PHACTR2: variants seen among roughly 807,000 people sequenced by gnomAD.
PHACTR2 encodes the protein phosphatase and actin regulator 2, also known as chromosome 6 open reading frame 56.
PHACTR2 carries 30 observed loss-of-function variants against 76.0 expected under a neutral mutation model. That is an observed-to-expected ratio of 0.39 (90% CI 0.30 to 0.54). The LOEUF is 0.54. Among genes scored for constraint, PHACTR2 ranks in the 20% least tolerant of loss-of-function variants. The pLI is 0.61. For synonymous variants in PHACTR2, 292 were observed against 292.5 expected (o/e 1.00, Z 0.02); for missense variants, 696 against 781.1 (o/e 0.89, Z 1.30).
rs552431539 is a variant in PHACTR2 at position 143,799,908 on chromosome 6, A to G, written c.1846-7149A>G. Reference sequence around the variant, plus strand: ...GATGTCTATTAGGTCCACTTGGTCCAGAGCTGAGTTCAAGTCCTGGATATC... The same window carrying G: ...GATGTCTATTAGGTCCACTTGGTCCGGAGCTGAGTTCAAGTCCTGGATATC... On this transcript the variant is annotated intron_variant, in intron 11 of 12. Transcript: ENST00000440869. Among the ~76,000 whole-genome samples, 7 of 152,346 alleles carry G rather than the reference A, an allele frequency of 4.6e-5. No homozygotes were observed. The East Asian group carries it at 1.2e-3, about 25-fold the overall frequency.
chr6:143,668,313 A>T (rs1344972936), intron 1 of PHACTR2, among the ~76,000 whole-genome samples: 1 of 152,218 alleles, frequency 6.6e-6, no homozygotes, highest in Non-Finnish European at 1.5e-5. Context: ...TATGTTCATC[A>T]GGTCTATTGG....
rs1209094717 is a variant in PHACTR2 at position 143,585,556 on chromosome 6, G to A, written c.217+48349G>A. Among the ~76,000 whole-genome samples, 2 of 152,158 alleles carry A rather than the reference G, an allele frequency of 1.3e-5. No homozygotes were observed. Among genetic ancestry groups the A allele is most frequent in the Non-Finnish European group, 2.9e-5 (2 of 68,032 alleles). ...AAGCAGGAGGCCATACTGTGGCCCT[G>A]TAGCTCAGGGAACATACTGGAGTCT... On this transcript the variant is annotated intron_variant, in intron 1 of 11. Transcript: ENST00000367584. This position sits in a 1 kb window ranked among gnomAD's most constrained non-coding sequence, Gnocchi z 5.2.
At position 143,807,110 on chromosome 6, in the gene PHACTR2, T is replaced by C. The variant is rs1162705420; in HGVS notation, c.1899T>C (p.His633=). The C allele has an allele frequency of 1.9e-6, 3 of 1,607,272 alleles. No homozygotes were observed. The highest frequency in any genetic ancestry group is 2.7e-5 in the African/African-American group (2 of 74,712). ...TTAAAAGCACAGAAATGGAAGTTCA[T>C]GAAGAGAGTCGACAGTTTACAAGGT... ...NEFKSTEMEV[H]EESRQFTRFH... is the part of the protein sequence containing the mutation. Residue 633 remains histidine (H), a synonymous_variant, in exon 12 of 13, where the codon CAT becomes CAC. Coordinates refer to ENST00000440869, the MANE Select transcript of PHACTR2 (RefSeq NM_001100164.2). The surrounding 1 kb of genome is among the most constrained non-coding windows in gnomAD (Gnocchi z 5.5).
chr6:143,576,833 A>G (rs1775520840), intron 1 of PHACTR2, among the ~76,000 whole-genome samples: 1 of 142,428 alleles, frequency 7.0e-6, no homozygotes, highest in African/African-American at 2.6e-5. Flanking sequence ...CCGAACTCGT[A>G]CCACTACACT....
Position 143,756,568 on chromosome 6 carries a change from G to A in PHACTR2, c.454+2656G>A, listed in dbSNP as rs539001390. 6.5e-5 allele frequency among the ~76,000 whole-genome samples: 9 copies of A among 139,088 alleles called. No individual in the cohort carries two copies. In the East Asian group the frequency reaches 1.5e-3, roughly 24 times the overall value. 91.2% of individuals were successfully genotyped at this position (139,088 alleles called of 152,430 possible). On this transcript the variant is annotated intron_variant, in intron 4 of 12. Transcript: ENST00000440869. ...AAAAAAATTAGCCGGGCGTGGTGGCGGGCGCCTGTAGTCCCAGCTACTCGG... is the reference window on the plus strand; with the variant it reads ...AAAAAAATTAGCCGGGCGTGGTGGCAGGCGCCTGTAGTCCCAGCTACTCGG...
intron 11 of PHACTR2, among the ~76,000 whole-genome samples, chr6:143,797,047 T>A (rs907690693): frequency 6.6e-6 from 1 of 152,236 alleles, no homozygotes; most frequent in African/African-American, 2.4e-5. Flanking sequence ...GCATTCCTAT[T>A]TCTCCACATC....
chr6:143,678,927 C>T lies in PHACTR2; in HGVS notation c.46+718C>T, dbSNP rs1777320983. Among the ~76,000 whole-genome samples the T allele has an allele frequency of 6.7e-6, 1 of 148,432 alleles. No individual in the cohort carries two copies. Among genetic ancestry groups the T allele is most frequent in the Non-Finnish European group, 1.5e-5 (1 of 67,722 alleles). On this transcript the variant is annotated intron_variant, in intron 1 of 12. Transcript: ENST00000440869. This position sits in a 1 kb window ranked among gnomAD's most constrained non-coding sequence, Gnocchi z 6.2. ...AAGGAAGGTACGTCTGGCATTTCCC[C>T]GACAGTGTAGGGATAAAAAAAAAAA...
At position 143,794,750 on chromosome 6, in the gene PHACTR2, T is replaced by C. The variant is rs1280528737; in HGVS notation, c.1845+5840T>C. 6.6e-6 allele frequency among the ~76,000 whole-genome samples: 1 copy of C among 152,176 alleles called. No homozygotes were observed. The highest frequency in any genetic ancestry group is 1.5e-5 in the Non-Finnish European group (1 of 68,014). On this transcript the variant is annotated intron_variant, in intron 11 of 12. Coordinates refer to ENST00000440869, the MANE Select transcript of PHACTR2 (RefSeq NM_001100164.2). This position sits in a 1 kb window ranked among gnomAD's most constrained non-coding sequence, Gnocchi z 4.1. The stretch of plus-strand genomic sequence containing the variant: ...CAGAAGTTGCAGTGAGCTAAGATTA[T>C]GCCGCCGCACTCCAGCCTGGGTGAC...
rs1289090997 is a variant in PHACTR2 at position 143,597,459 on chromosome 6, CT to C, written c.217+60253del. ...CCATCCTAAAAATAAAGTGAAATCCCTACTCTCTACAACCCACATGCCAAAT... is the reference window on the plus strand; with the variant it reads ...CCATCCTAAAAATAAAGTGAAATCCCACTCTCTACAACCCACATGCCAAAT... On this transcript the variant is annotated intron_variant, in intron 1 of 11. Coordinates refer to the PHACTR2 transcript ENST00000367584. This position sits in a 1 kb window ranked among gnomAD's most constrained non-coding sequence, Gnocchi z 5.7. Among the ~76,000 whole-genome samples, 4 of 152,178 alleles carry C rather than the reference CT, an allele frequency of 2.6e-5. No individual in the cohort carries two copies. Among genetic ancestry groups the C allele is most frequent in the African/African-American group, 9.7e-5 (4 of 41,442 alleles).
rs1413523091 is a variant in PHACTR2, at chr6:143,580,091, C to T, written c.217+42884C>T. Among the ~76,000 whole-genome samples the T allele has an allele frequency of 1.3e-5, 2 of 152,192 alleles. No individual in the cohort carries two copies. Among genetic ancestry groups the T allele is most frequent in the African/African-American group, 2.4e-5 (1 of 41,440 alleles). ...TCACAACATGACCACTGTCTTCTCT[C>T]AGCATGAGCCAGAAAGAAAATCAAG... On this transcript the variant is annotated intron_variant, in intron 1 of 11. Transcript: ENST00000367584. This position sits in a 1 kb window ranked among gnomAD's most constrained non-coding sequence, Gnocchi z 4.2.
chr6:143,612,539 T>C (rs1291064691), intron 1 of PHACTR2, among the ~76,000 whole-genome samples: 5 of 152,250 alleles, frequency 3.3e-5, no homozygotes, highest in Admixed American at 6.5e-5. Context: ...TCCACTTTCA[T>C]GATCTCTTGG....
At chr6:143,785,393 G>A (rs1219382852) in intron 10 of PHACTR2, among the ~76,000 whole-genome samples, 1 of 152,190 alleles carries the variant, frequency 6.6e-6, no homozygotes, top group Non-Finnish European at 1.5e-5. Flanking sequence ...ATGGTCTTGG[G>A]CAGCTCCACC....
At chr6:143,699,334 C>T (rs534824323) in intron 1 of PHACTR2, among the ~76,000 whole-genome samples, 24 of 152,306 alleles carry the variant, frequency 1.6e-4, no homozygotes, top group Middle Eastern at 3.4e-3. Flanking sequence ...AGCCCATGAA[C>T]CTGCTTGAGT....
rs1014725029 is a variant in PHACTR2 at position 143,556,365 on chromosome 6, G to A, written c.217+19158G>A. 6.6e-6 allele frequency among the ~76,000 whole-genome samples: 1 copy of A among 152,214 alleles called. No individual in the cohort carries two copies. The highest frequency in any genetic ancestry group is 2.4e-5 in the African/African-American group (1 of 41,440). ...TGGGCCAGGAGAGTGAATATCTGGT[G>A]GAGGGAGGTGAGGAATACAGGAAGT... On this transcript the variant is annotated intron_variant, in intron 1 of 11. Transcript: ENST00000367584. This position sits in a 1 kb window ranked among gnomAD's most constrained non-coding sequence, Gnocchi z 4.3.
At chr6:143,590,010 C>G (rs746524754) in intron 1 of PHACTR2, among the ~76,000 whole-genome samples, 1 of 152,090 alleles carries the variant, frequency 6.6e-6, no homozygotes, top group Admixed American at 6.5e-5. Context: ...GAATTTATTA[C>G]AGAATATTAT....
At chr6:143,723,332 C>T (rs757576208) in intron 2 of PHACTR2, among the ~76,000 whole-genome samples, 7 of 152,140 alleles carry the variant, frequency 4.6e-5, no homozygotes, top group Non-Finnish European at 1.0e-4. Context: ...CTGAGGAAGA[C>T]AATTATTCTT....
In PHACTR2 at chr6:143,794,834, G is replaced by A. The variant is rs557986618; in HGVS notation, c.1845+5924G>A. Among the ~76,000 whole-genome samples the A allele has an allele frequency of 6.6e-6, 1 of 152,154 alleles. No individual in the cohort carries two copies. The highest frequency in any genetic ancestry group is 1.5e-5 in the Non-Finnish European group (1 of 67,986). On this transcript the variant is annotated intron_variant, in intron 11 of 12. Transcript: ENST00000440869. This position sits in a 1 kb window ranked among gnomAD's most constrained non-coding sequence, Gnocchi z 4.1. Reference sequence around the variant, plus strand: ...CCAAACAAACAAACAAACAAAAAATGAGCTTCCTTTCAGCCTAAAGGAGAC... The same window carrying A: ...CCAAACAAACAAACAAACAAAAAATAAGCTTCCTTTCAGCCTAAAGGAGAC...
Position 143,821,493 on chromosome 6 carries a change from G to T in PHACTR2, c.1923-2181G>T, listed in dbSNP as rs2328520. Among the ~76,000 whole-genome samples the T allele has an allele frequency of 4.6e-5, 7 of 152,278 alleles. No individual in the cohort carries two copies. The East Asian group carries it at 1.3e-3, about 29-fold the overall frequency. ...TGAGTATGTAAAAATGGATAAGAAA[G>T]TTTCCTTCCTCAGCTTCTCATGATC... On this transcript the variant is annotated intron_variant, in intron 12 of 12. Coordinates refer to ENST00000440869, the MANE Select transcript of PHACTR2 (RefSeq NM_001100164.2). The surrounding 1 kb of genome is among the most constrained non-coding windows in gnomAD (Gnocchi z 5.2).
Position 143,790,870 on chromosome 6 carries a change from G to A in PHACTR2, c.1845+1960G>A, listed in dbSNP as rs144066990. On this transcript the variant is annotated intron_variant, in intron 11 of 12. Coordinates refer to ENST00000440869, the MANE Select transcript of PHACTR2 (RefSeq NM_001100164.2). ...TACAAAATATTTTTAGTAGAGATGGGGTTTCACCGTGTTAGCCAGGATGGT... is the reference window on the plus strand; with the variant it reads ...TACAAAATATTTTTAGTAGAGATGGAGTTTCACCGTGTTAGCCAGGATGGT... Among the ~76,000 whole-genome samples the A allele has an allele frequency of 2.5e-3, 377 of 152,128 alleles. 4 individuals carry two copies. Among genetic ancestry groups the A allele is most frequent in the African/African-American group, 8.4e-3 (349 of 41,518 alleles).
Sources: allele counts gnomAD v4.1 joint callset (sites outside exome capture counted in the v4.1 genomes callset), GRCh38; gene constraint gnomAD v4.1.1; non-coding constraint Gnocchi (gnomAD v3.1); transcripts MANE v1.5; gene names NCBI Gene and HGNC (gene_info 2026-07-23, HGNC 2026-07-21).